Variants in NTRK2 observed in about 807,000 individuals in gnomAD.
NTRK2 encodes BDNF/NT-3 growth factors receptor.
Under a neutral mutation model 94.5 loss-of-function variants are expected in NTRK2, and 13 were observed. That is an observed-to-expected ratio of 0.14 (90% CI 0.09 to 0.22). The LOEUF (loss-of-function observed/expected upper bound fraction) is 0.22. NTRK2 is among the 10% of genes least tolerant of loss of function. The pLI, the probability that NTRK2 is intolerant of heterozygous loss-of-function variation, is 1.00. For synonymous variants in NTRK2, 372 were observed against 407.4 expected (o/e 0.91, Z 1.05); for missense variants, 639 against 1,071.2 (o/e 0.60, Z 5.63).
chr9:84,801,960 A>G (rs559640456), intron 12 of NTRK2, among the ~76,000 whole-genome samples: 2 of 152,356 alleles, frequency 1.3e-5, no homozygotes, highest in South Asian at 4.1e-4. Flanking sequence ...GCATTTGTCC[A>G]TCACATGTTT....
At chr9:84,810,001 C>A (rs963830144) in intron 12 of NTRK2, among the ~76,000 whole-genome samples, 3 of 151,374 alleles carry the variant, frequency 2.0e-5, no homozygotes, top group Non-Finnish European at 2.9e-5. Flanking sequence ...CTAATCAGTT[C>A]TTTTAGAAAA....
intron 6 of NTRK2, among the ~76,000 whole-genome samples, chr9:84,713,103 G>A (rs1055231651): frequency 6.6e-6 from 1 of 152,120 alleles, no homozygotes; most frequent in Non-Finnish European, 1.5e-5. Flanking sequence ...GTTAGTGTTT[G>A]TCTTTCTAAA....
intron 11 of NTRK2, among the ~76,000 whole-genome samples, chr9:84,751,381 A>C (rs1349122332): frequency 6.6e-6 from 1 of 152,142 alleles, no homozygotes; most frequent in Non-Finnish European, 1.5e-5. Flanking sequence ...GGATTTCAAC[A>C]CCAGCCTGGG....
intron 12 of NTRK2, among the ~76,000 whole-genome samples, chr9:84,855,562 T>G (rs1371937456): frequency 2.6e-5 from 4 of 151,698 alleles, no homozygotes; most frequent in African/African-American, 9.7e-5. Context: ...ATGGAGTCAG[T>G]TAATAAAACC....
intron 14 of NTRK2, among the ~76,000 whole-genome samples, chr9:84,894,753 A>G (rs1364173213): frequency 6.6e-6 from 1 of 152,254 alleles, no homozygotes; most frequent in Non-Finnish European, 1.5e-5. Flanking sequence ...TAAACAACAG[A>G]TAACTATCAG....
At chr9:84,972,937 CTA>C (rs1196474249) in intron 17 of NTRK2, among the ~76,000 whole-genome samples, 7 of 152,214 alleles carry the variant, frequency 4.6e-5, no homozygotes, top group African/African-American at 1.7e-4. Flanking sequence ...CCAGAATTAA[CTA>C]TGATTTCAGC....
chr9:84,762,269 G>A (rs1467296951), intron 12 of NTRK2, among the ~76,000 whole-genome samples: 1 of 152,188 alleles, frequency 6.6e-6, no homozygotes, highest in Non-Finnish European at 1.5e-5. Context: ...GCAAAGAGAG[G>A]CAGCCCTGCC....
intron 14 of NTRK2, among the ~76,000 whole-genome samples, chr9:84,921,059 A>C (rs2077550225): frequency 6.6e-6 from 1 of 152,222 alleles, no homozygotes. Flanking sequence ...AGTTCCCTGC[A>C]TAATAGCATC....
chr9:84,773,573 TTC>T (rs1300292418), intron 12 of NTRK2, among the ~76,000 whole-genome samples: 2 of 150,864 alleles, frequency 1.3e-5, no homozygotes, highest in Admixed American at 6.6e-5. Flanking sequence ...CTCCTCTCTT[TTC>T]TCTCTCTCTC....
intron 17 of NTRK2, among the ~76,000 whole-genome samples, chr9:84,976,596 T>C (rs1429482747): frequency 1.3e-5 from 2 of 152,178 alleles, no homozygotes; most frequent in Non-Finnish European, 2.9e-5. Context: ...CAAGACCTAA[T>C]ATTATTCTTA....
At chr9:84,887,042 G>A (rs996872971) in intron 14 of NTRK2, among the ~76,000 whole-genome samples, 1 of 152,182 alleles carries the variant, frequency 6.6e-6, no homozygotes, top group African/African-American at 2.4e-5. Context: ...TAAAACAAGT[G>A]TGGGGTTTGA....
chr9:84,888,521 G>A (rs2076485368), intron 14 of NTRK2, among the ~76,000 whole-genome samples: 1 of 145,428 alleles, frequency 6.9e-6, no homozygotes, highest in Admixed American at 7.2e-5. Flanking sequence ...GCTGAGGCAG[G>A]AGAATCGCTT....
At chr9:84,855,250 A>G (rs2075010069) in intron 12 of NTRK2, among the ~76,000 whole-genome samples, 1 of 152,198 alleles carries the variant, frequency 6.6e-6, no homozygotes, top group African/African-American at 2.4e-5. Flanking sequence ...GGGGGAGGAA[A>G]GAATGAAGCA....
At chr9:84,794,858 C>G (rs2069118801) in intron 12 of NTRK2, among the ~76,000 whole-genome samples, 1 of 152,142 alleles carries the variant, frequency 6.6e-6, no homozygotes, top group Admixed American at 6.5e-5. Flanking sequence ...GTTTCCACCT[C>G]TCTATATTTG....
chr9:84,906,628 AGT>A (rs1338207121), intron 14 of NTRK2, among the ~76,000 whole-genome samples: 1 of 152,150 alleles, frequency 6.6e-6, no homozygotes, highest in African/African-American at 2.4e-5. Context: ...TGCTGGATTT[AGT>A]GTGTTTTCCA....
intron 12 of NTRK2, among the ~76,000 whole-genome samples, chr9:84,823,008 T>G (rs1189155847): frequency 6.6e-6 from 1 of 152,194 alleles, no homozygotes; most frequent in Non-Finnish European, 1.5e-5. Context: ...GCTGAACATC[T>G]GGGTTGAGTG....
At chr9:84,845,250 T>TACACAC (rs58910921) in intron 12 of NTRK2, among the ~76,000 whole-genome samples, 7,594 of 147,928 alleles carry the variant, frequency 0.051, 228 homozygotes, top group African/African-American at 0.079. Context: ...ATGTGGTGTA[T>TACACAC]ACACACACAC....
chr9:84,693,286 G>C (rs775770092), intron 2 of NTRK2, among the ~76,000 whole-genome samples: 1 of 152,098 alleles, frequency 6.6e-6, no homozygotes, highest in African/African-American at 2.4e-5. Flanking sequence ...TGCATTCAGG[G>C]CTCTGGCAAT....
chr9:84,903,471 C>T (rs1047846656), intron 14 of NTRK2, among the ~76,000 whole-genome samples: 3 of 152,218 alleles, frequency 2.0e-5, no homozygotes, highest in Non-Finnish European at 4.4e-5. Flanking sequence ...TCCCAATCTC[C>T]ATGTTATGGT....
Sources: allele counts gnomAD v4.1 joint callset (sites outside exome capture counted in the v4.1 genomes callset), GRCh38; gene constraint gnomAD v4.1.1; transcripts MANE v1.5; gene names NCBI Gene and HGNC (gene_info 2026-07-23, HGNC 2026-07-21).